ADAMTSL1: variants seen among roughly 807,000 people sequenced by gnomAD.
The protein encoded by ADAMTSL1 is ADAMTS like 1.
Under a neutral mutation model 201.8 loss-of-function variants are expected in ADAMTSL1, and 126 were observed. That is an observed-to-expected ratio of 0.62 (90% CI 0.54 to 0.72). The LOEUF is 0.72. ADAMTSL1 is among the 30% of genes least tolerant of loss of function. The pLI, the probability that ADAMTSL1 is intolerant of heterozygous loss-of-function variation, is 0.00. For missense variants in ADAMTSL1, 2,679 were observed against 2,277.8 expected (o/e 1.18, Z -3.59); for synonymous variants, 1,121 against 903.4 (o/e 1.24, Z -4.32).
At chr9:18,326,803 C>T (rs982538831) in intron 2 of ADAMTSL1, among the ~76,000 whole-genome samples, 4 of 152,166 alleles carry the variant, frequency 2.6e-5, no homozygotes, top group Non-Finnish European at 5.9e-5. Flanking sequence ...TCTCAGAATG[C>T]ATTTTTCCTA....
At chr9:18,291,093 C>T (rs946151111) in intron 2 of ADAMTSL1, among the ~76,000 whole-genome samples, 3 of 152,036 alleles carry the variant, frequency 2.0e-5, no homozygotes, top group African/African-American at 4.8e-5. Context: ...CTAAAGCTGA[C>T]TTATGAATTG....
chr9:18,884,026 T>G (rs2131521818), intron 23 of ADAMTSL1, among the ~76,000 whole-genome samples: 1 of 152,360 alleles, frequency 6.6e-6, no homozygotes, highest in Non-Finnish European at 1.5e-5. Context: ...CATTTTATAT[T>G]CCCACTAGCA....
chr9:18,176,545 C>CATTT (rs1287173054), intron 2 of ADAMTSL1, among the ~76,000 whole-genome samples: 22 of 152,144 alleles, frequency 1.4e-4, no homozygotes, highest in African/African-American at 5.3e-4. Flanking sequence ...GAGAGGGTAA[C>CATTT]ATTTCCCTCT....
chr9:18,318,895 T>C (rs890902136), intron 2 of ADAMTSL1, among the ~76,000 whole-genome samples: 1 of 152,198 alleles, frequency 6.6e-6, no homozygotes, highest in African/African-American at 2.4e-5. Context: ...TGTCCACAAC[T>C]TTATTATTGA....
chr9:18,056,304 G>C (rs765257851), intron 1 of ADAMTSL1, among the ~76,000 whole-genome samples: 3 of 152,130 alleles, frequency 2.0e-5, no homozygotes, highest in Non-Finnish European at 4.4e-5. Flanking sequence ...GAAGAAATCT[G>C]AGTTTCTTCC....
rs1376976777 is a variant in ADAMTSL1, at chr9:18,753,326, A to G, written c.2035A>G (p.Ser679Gly). 1.2e-6 allele frequency: 2 copies of G among 1,612,290 alleles called. No homozygotes were observed. Among genetic ancestry groups the G allele is most frequent in the Middle Eastern group, 1.7e-4 (1 of 6,058 alleles). Residue 679 changes from serine (S) to glycine (G), a missense_variant, in exon 16 of 29, where the codon AGT becomes GGT. Transcript: ENST00000380548. ...GGAAATTGGCAAGTGGAGTCCATGT[A>G]GTCTCACATGTGGGGTCGGCCTACA... ...RWEIGKWSPC[S>G]LTCGVGLQTR...
intron 2 of ADAMTSL1, among the ~76,000 whole-genome samples, chr9:18,380,106 A>G (rs975221278): frequency 3.0e-4 from 46 of 152,078 alleles, no homozygotes; most frequent in African/African-American, 1.1e-3. Context: ...TTATTTCTTC[A>G]TCTATTTTAA....
intron 1 of ADAMTSL1, among the ~76,000 whole-genome samples, chr9:18,044,626 G>A (rs1821580086): frequency 6.6e-6 from 1 of 152,162 alleles, no homozygotes. Context: ...AAGGAAAACA[G>A]TGGATATAGA....
At chr9:18,302,755 G>A (rs1833757014) in intron 2 of ADAMTSL1, among the ~76,000 whole-genome samples, 1 of 152,172 alleles carries the variant, frequency 6.6e-6, no homozygotes, top group Admixed American at 6.5e-5. Context: ...GTAAGATTAA[G>A]CATAAGGATC....
At chr9:18,784,998 TA>T (rs1401777485) in intron 19 of ADAMTSL1, among the ~76,000 whole-genome samples, 1 of 152,136 alleles carries the variant, frequency 6.6e-6, no homozygotes, top group Non-Finnish European at 1.5e-5. Context: ...ACCCTGTCTC[TA>T]CTAAAAATAC....
chr9:18,768,203 C>T (rs1991883), intron 16 of ADAMTSL1, among the ~76,000 whole-genome samples: 124,799 of 152,252 alleles, frequency 0.82, 51,575 homozygotes, highest in East Asian at 0.96. Flanking sequence ...ACCAGGCTCT[C>T]GGCAGGCTTG....
At position 17,910,825 on chromosome 9, in the gene ADAMTSL1, G is replaced by A. The variant is rs774607320; in HGVS notation, c.87+3903G>A. Among the ~76,000 whole-genome samples the A allele has an allele frequency of 1.2e-4, 8 of 68,748 alleles. 4 individuals carry two copies. The highest frequency in any genetic ancestry group is 3.6e-4 in the Non-Finnish European group (8 of 22,508). The allele number at this position is 68,748 out of a possible 152,430, so 45.1% of individuals were successfully genotyped here. A position where few individuals can be genotyped will look rare whatever the true frequency, so the allele number is the denominator to read the frequency against. ...CAAATTAAACAGATCAGAAATTTGA[G>A]GATACTTAATATCAAATCAAGAAGA... On this transcript the variant is annotated intron_variant, in intron 1 of 29. Transcript: ENST00000680146.
intron 1 of ADAMTSL1, among the ~76,000 whole-genome samples, chr9:18,058,678 CCTAA>C (rs139086206): frequency 0.066 from 10,110 of 152,086 alleles, 407 homozygotes; most frequent in Non-Finnish European, 0.089. Context: ...TGATTCTTTC[CCTAA>C]CTGAGAAGTC....
intron 4 of ADAMTSL1, among the ~76,000 whole-genome samples, chr9:18,578,344 C>T (rs79628270): frequency 0.019 from 2,924 of 152,304 alleles, 38 homozygotes; most frequent in Non-Finnish European, 0.03. Context: ...TGACAATCAT[C>T]CCCAGTGGGT....
chr9:18,077,746 TAA>T (rs34125643), intron 1 of ADAMTSL1, among the ~76,000 whole-genome samples: 1 of 151,826 alleles, frequency 6.6e-6, no homozygotes, highest in Admixed American at 6.6e-5. Context: ...AGGAGGACTT[TAA>T]AAAAAATGCA....
intron 1 of ADAMTSL1, among the ~76,000 whole-genome samples, chr9:18,143,379 A>G (rs1826487200): frequency 6.6e-6 from 1 of 152,174 alleles, no homozygotes; most frequent in African/African-American, 2.4e-5. Flanking sequence ...TCCCAAGTAC[A>G]TCTTCCTTTC....
intron 2 of ADAMTSL1, among the ~76,000 whole-genome samples, chr9:18,345,683 G>A (rs1329722): frequency 6.6e-6 from 1 of 152,092 alleles, no homozygotes; most frequent in Non-Finnish European, 1.5e-5. Context: ...ACACTGCAGC[G>A]GCAAGCACCA....
chr9:18,245,478 A>C (rs975937842), intron 2 of ADAMTSL1, among the ~76,000 whole-genome samples: 2 of 152,120 alleles, frequency 1.3e-5, no homozygotes, highest in African/African-American at 4.8e-5. Flanking sequence ...GCAGGTCTAG[A>C]GTATCACCCA....
At chr9:18,554,164 G>T (rs546363339) in intron 3 of ADAMTSL1, among the ~76,000 whole-genome samples, 1 of 145,858 alleles carries the variant, frequency 6.9e-6, no homozygotes, top group South Asian at 2.2e-4. Context: ...TATGAGTTCT[G>T]TTTTTTTTTT....
Sources: allele counts gnomAD v4.1 joint callset (sites outside exome capture counted in the v4.1 genomes callset), GRCh38; gene constraint gnomAD v4.1.1; transcripts MANE v1.5; gene names NCBI Gene and HGNC (gene_info 2026-07-23, HGNC 2026-07-21).